Variants in HTR1F observed in about 807,000 individuals in gnomAD.
The protein encoded by HTR1F is 5-hydroxytryptamine (serotonin) receptor 1F, G protein-coupled.
Under a neutral mutation model 24.0 loss-of-function variants are expected in HTR1F, and 17 were observed. The observed-to-expected ratio is 0.71, with a 90% CI of 0.48 to 1.06. The LOEUF (loss-of-function observed/expected upper bound fraction) is 1.06. Among genes scored for constraint, HTR1F ranks in the 50% least tolerant of loss-of-function variants. The pLI is 0.00. For synonymous variants in HTR1F, 186 were observed against 156.8 expected (o/e 1.19, Z -1.39); for missense variants, 391 against 427.8 (o/e 0.91, Z 0.76).
chr3:87,884,279 G>A lies in HTR1F; in HGVS notation c.-43+62155G>A, dbSNP rs578071205. Among the ~76,000 whole-genome samples, 15 of 152,198 alleles carry A rather than the reference G, an allele frequency of 9.9e-5. No homozygotes were observed. The South Asian group carries it at 2.7e-3, about 27-fold the overall frequency. On this transcript the variant is annotated intron_variant, in intron 2 of 2. Coordinates refer to ENST00000319595, the MANE Select transcript of HTR1F (RefSeq NM_001322209.2). ...GTGAAGGAGAAATAAAATCCTTTAC[G>A]GACAAGCAAATGCTGAGAAATTTTG...
chr3:87,880,037 G>GA (rs1279345183), intron 2 of HTR1F, among the ~76,000 whole-genome samples: 2 of 152,032 alleles, frequency 1.3e-5, no homozygotes, highest in African/African-American at 4.8e-5. Context: ...TCAATAAAAT[G>GA]AACTTTTCTT....
intron 1 of HTR1F, among the ~76,000 whole-genome samples, chr3:87,797,488 A>T (rs1052853980): frequency 2.6e-5 from 4 of 152,224 alleles, no homozygotes; most frequent in Non-Finnish European, 5.9e-5. Flanking sequence ...ATATGAAAAC[A>T]TATTTTAAAA....
intron 2 of HTR1F, among the ~76,000 whole-genome samples, chr3:87,868,757 T>C (rs1312469245): frequency 6.6e-6 from 1 of 152,022 alleles, no homozygotes; most frequent in Non-Finnish European, 1.5e-5. Flanking sequence ...TTTCTCTGTA[T>C]AGAGCATAGT....
chr3:87,837,295 T>C (rs1210081933), intron 2 of HTR1F, among the ~76,000 whole-genome samples: 1 of 152,168 alleles, frequency 6.6e-6, no homozygotes, highest in African/African-American at 2.4e-5. Flanking sequence ...TGCTTTTCTC[T>C]GTGTTCACTT....
chr3:87,875,919 G>A (rs913093486), intron 2 of HTR1F, among the ~76,000 whole-genome samples: 11 of 113,706 alleles, frequency 9.7e-5, no homozygotes, highest in Non-Finnish European at 1.2e-4. Context: ...GCAAGGCTCC[G>A]TCTCAAAAAA....
intron 2 of HTR1F, among the ~76,000 whole-genome samples, chr3:87,884,690 G>C (rs1705893721): frequency 6.6e-6 from 1 of 152,032 alleles, no homozygotes; most frequent in African/African-American, 2.4e-5. Flanking sequence ...AAAAAGCAGA[G>C]ATTGCAATCG....
intron 1 of HTR1F, among the ~76,000 whole-genome samples, chr3:87,815,824 A>G (rs1256940138): frequency 3.3e-5 from 5 of 152,184 alleles, no homozygotes; most frequent in Middle Eastern, 6.8e-3. Flanking sequence ...TCCTTCTAAA[A>G]ACAAAAGTGA....
chr3:87,983,103 A>G (rs1705587549), intron 2 of HTR1F, among the ~76,000 whole-genome samples: 1 of 152,210 alleles, frequency 6.6e-6, no homozygotes, highest in Non-Finnish European at 1.5e-5. Flanking sequence ...AAGAAAGAAT[A>G]GGTCAGACAT....
chr3:87,961,720 T>C (rs1416652911), intron 2 of HTR1F, among the ~76,000 whole-genome samples: 1 of 151,950 alleles, frequency 6.6e-6, no homozygotes, highest in Non-Finnish European at 1.5e-5. Flanking sequence ...CAAAAAATTA[T>C]ACTCAAATCC....
intron 2 of HTR1F, among the ~76,000 whole-genome samples, chr3:87,833,847 G>A (rs1425194869): frequency 2.0e-5 from 3 of 151,812 alleles, no homozygotes; most frequent in Admixed American, 6.6e-5. Context: ...ATATTTTTAC[G>A]TAATTGAGAC....
At chr3:87,967,952 G>C (rs543765384) in intron 2 of HTR1F, among the ~76,000 whole-genome samples, 85 of 152,288 alleles carry the variant, frequency 5.6e-4, no homozygotes, top group Admixed American at 6.5e-4. Context: ...AGTTTGGAGG[G>C]CTCAGAAGAC....
intron 2 of HTR1F, among the ~76,000 whole-genome samples, chr3:87,930,897 T>A (rs1704247600): frequency 6.6e-6 from 1 of 152,138 alleles, no homozygotes. Flanking sequence ...AAGAACAGAA[T>A]TATATTACAC....
chr3:87,910,723 T>G (rs1221465305), intron 2 of HTR1F, among the ~76,000 whole-genome samples: 2 of 151,940 alleles, frequency 1.3e-5, no homozygotes, highest in African/African-American at 2.4e-5. Context: ...CAGTCAGACA[T>G]AAAACAATCC....
intron 2 of HTR1F, among the ~76,000 whole-genome samples, chr3:87,928,291 C>G (rs1209428462): frequency 1.3e-5 from 2 of 152,094 alleles, no homozygotes; most frequent in African/African-American, 4.8e-5. Context: ...AGTGATCCAC[C>G]TGCCTTAGCC....
intron 2 of HTR1F, among the ~76,000 whole-genome samples, chr3:87,847,200 C>G (rs980577087): frequency 2.6e-5 from 4 of 151,626 alleles, no homozygotes; most frequent in Non-Finnish European, 5.9e-5. Context: ...TCCAAATTAG[C>G]AAAGATTTGT....
At chr3:87,901,125 AATT>A (rs971765178) in intron 2 of HTR1F, among the ~76,000 whole-genome samples, 1 of 152,186 alleles carries the variant, frequency 6.6e-6, no homozygotes, top group African/African-American at 2.4e-5. Flanking sequence ...TTTAGAGTAC[AATT>A]ATACTGGCTC....
chr3:87,920,032 TA>T (rs1431449041), intron 2 of HTR1F, among the ~76,000 whole-genome samples: 3 of 71,670 alleles, frequency 4.2e-5, no homozygotes, highest in Non-Finnish European at 8.9e-5. Flanking sequence ...TGTAATATTA[TA>T]TATATATATA....
chr3:87,935,341 C>G (rs144532140), intron 2 of HTR1F, among the ~76,000 whole-genome samples: 67 of 152,304 alleles, frequency 4.4e-4, no homozygotes, highest in African/African-American at 1.6e-3. Context: ...GGTGACTCTG[C>G]ATTGCATTGA....
chr3:87,848,483 T>C (rs1164679470), intron 2 of HTR1F, among the ~76,000 whole-genome samples: 8 of 151,930 alleles, frequency 5.3e-5, no homozygotes, highest in African/African-American at 1.9e-4. Context: ...TATTGTTTCA[T>C]TTGCTGTGCA....
Sources: gnomAD v4.1 joint callset for allele counts (sites outside exome capture counted in the v4.1 genomes callset) on GRCh38, gnomAD v4.1.1 for gene constraint, MANE v1.5 for transcripts, NCBI Gene and HGNC (gene_info 2026-07-23, HGNC 2026-07-21) for gene names.